The following RAB27B variants were observed in gnomAD, a reference collection of about 807,000 sequenced individuals.
RAB27B encodes the protein ras-related protein Rab-27B.
A neutral mutation model predicts 24.6 loss-of-function variants in RAB27B; 15 were observed. The observed-to-expected ratio is 0.61, with a 90% CI of 0.41 to 0.94. The LOEUF (loss-of-function observed/expected upper bound fraction) is 0.94, where lower values mean the gene tolerates loss of function less well. RAB27B is among the 40% of genes least tolerant of loss of function. The probability of loss-of-function intolerance (pLI) is 0.00; values close to 1 mark genes in which losing one functional copy is unlikely to be tolerated. For synonymous variants in RAB27B, 105 were observed against 92.5 expected (o/e 1.14, Z -0.78); for missense variants, 261 against 266.8 (o/e 0.98, Z 0.15).
At chr18:54,800,773 A>G (rs1909575654) in intron 2 of RAB27B, among the ~76,000 whole-genome samples, 1 of 151,964 alleles carries the variant, frequency 6.6e-6, no homozygotes, top group South Asian at 2.1e-4. Context: ...ACTTTTTTCC[A>G]TTGTAGTCAT....
intron 2 of RAB27B, among the ~76,000 whole-genome samples, chr18:54,773,288 C>G (rs1908611085): frequency 1.3e-5 from 2 of 152,208 alleles, no homozygotes; most frequent in African/African-American, 4.8e-5. Context: ...CAAAGATGCT[C>G]TTGATGTACC....
At chr18:54,879,257 C>A in intron 2 of RAB27B, 112 bp from the exon 3 acceptor site, 1 of 794,004 alleles carries the variant, frequency 1.3e-6, no homozygotes, top group Non-Finnish European at 2.2e-6. Context: ...TTATTCTGCA[C>A]TATGAACTTT....
intron 2 of RAB27B, among the ~76,000 whole-genome samples, chr18:54,733,597 A>G (rs1909792082): frequency 6.7e-6 from 1 of 148,706 alleles, no homozygotes; most frequent in Non-Finnish European, 1.5e-5. Context: ...CATTCCGTCC[A>G]CTAGATTTTT....
intron 1 of RAB27B, among the ~76,000 whole-genome samples, chr18:54,873,647 A>T (rs1912566141): frequency 6.6e-6 from 1 of 151,722 alleles, no homozygotes; most frequent in Non-Finnish European, 1.5e-5. Flanking sequence ...GGACTCAAAA[A>T]AATCACATAA....
intron 2 of RAB27B, among the ~76,000 whole-genome samples, chr18:54,733,650 GCCC>G (rs557873086): frequency 1.5e-4 from 14 of 92,242 alleles, no homozygotes; most frequent in African/African-American, 5.2e-4. Flanking sequence ...CTGTTCTAGA[GCCC>G]CCCCCCCCCA....
At position 54,894,816 on chromosome 18, in the gene RAB27B, G is replaced by A. The variant is rs1913505414; in HGVS notation, c.*5403G>A. On this transcript the variant is annotated 3_prime_UTR_variant, in exon 6 of 6. Transcript: ENST00000262094. ...AAAAACCACAGTTGTAATTTAAACT[G>A]CTTGATATAAAAAGAGGTATCATAG... The A allele has an allele frequency of 6.6e-6, 1 of 152,040 alleles. No individual in the cohort carries two copies. Among genetic ancestry groups the A allele is most frequent in the African/African-American group, 2.4e-5 (1 of 41,422 alleles). 9.4% of individuals were successfully genotyped at this position (152,040 alleles called of 1,614,324 possible). A position where few individuals can be genotyped will look rare whatever the true frequency, so the allele number is the denominator to read the frequency against.
intron 2 of RAB27B, among the ~76,000 whole-genome samples, chr18:54,806,552 C>G (rs1339751270): frequency 6.8e-6 from 1 of 146,368 alleles, no homozygotes; most frequent in Admixed American, 6.9e-5. Context: ...TATATATAAG[C>G]CACAATTATA....
Position 54,831,583 on chromosome 18 carries a change from A to G in RAB27B, c.-20+2883A>G, listed in dbSNP as rs1218699525. On this transcript the variant is annotated intron_variant, in intron 1 of 5. Coordinates refer to ENST00000262094, the MANE Select transcript of RAB27B (RefSeq NM_004163.4). ...TGGATAACAGATGTTAGTGAGATAT[A>G]CGAGGCCTCTGCTGTCATGGACATT... Among the ~76,000 whole-genome samples the G allele has an allele frequency of 3.9e-5, 6 of 152,236 alleles. 1 individual carries two copies. Among genetic ancestry groups the G allele is most frequent in the South Asian group, 2.1e-4 (1 of 4,836 alleles).
At chr18:54,756,466 T>C (rs896386682) in intron 2 of RAB27B, among the ~76,000 whole-genome samples, 6 of 152,190 alleles carry the variant, frequency 3.9e-5, no homozygotes, top group Non-Finnish European at 8.8e-5. Flanking sequence ...ATGTTTTTTT[T>C]CCTCCAGCCT....
chr18:54,775,832 C>T (rs1329882678), intron 2 of RAB27B, among the ~76,000 whole-genome samples: 1 of 152,198 alleles, frequency 6.6e-6, no homozygotes, highest in Non-Finnish European at 1.5e-5. Context: ...ACCGGTCACT[C>T]ATATCAGCTC....
At chr18:54,873,534 T>G (rs966097704) in intron 1 of RAB27B, among the ~76,000 whole-genome samples, 2 of 152,346 alleles carry the variant, frequency 1.3e-5, no homozygotes, top group South Asian at 2.1e-4. Flanking sequence ...CACATCATTT[T>G]TTTTAGCCCA....
At chr18:54,855,493 G>T (rs997354167) in intron 1 of RAB27B, among the ~76,000 whole-genome samples, 1 of 152,154 alleles carries the variant, frequency 6.6e-6, no homozygotes, top group African/African-American at 2.4e-5. Flanking sequence ...TAGCAGCCTT[G>T]GATACAAGAT....
chr18:54,779,403 A>G (rs912987578), intron 2 of RAB27B, among the ~76,000 whole-genome samples: 21 of 152,288 alleles, frequency 1.4e-4, no homozygotes, highest in African/African-American at 4.8e-4. Context: ...ATAGCAGAAC[A>G]CAATTTCTAT....
At chr18:54,866,139 A>T (rs1019532595) in intron 1 of RAB27B, among the ~76,000 whole-genome samples, 2 of 152,126 alleles carry the variant, frequency 1.3e-5, no homozygotes, top group Non-Finnish European at 2.9e-5. Context: ...GAGAGCCCCC[A>T]GCTAAATTAG....
intron 2 of RAB27B, among the ~76,000 whole-genome samples, chr18:54,783,769 C>T (rs902082755): frequency 6.6e-5 from 10 of 152,096 alleles, no homozygotes; most frequent in East Asian, 1.9e-4. Flanking sequence ...CTTCCCTCTC[C>T]GTGGAAACCA....
intron 2 of RAB27B, among the ~76,000 whole-genome samples, chr18:54,807,467 G>A (rs1909827213): frequency 6.6e-6 from 1 of 152,054 alleles, no homozygotes; most frequent in Admixed American, 6.6e-5. Flanking sequence ...AATCTCCTCG[G>A]GAACTTGGAG....
At chr18:54,858,735 G>T (rs1297859257) in intron 1 of RAB27B, among the ~76,000 whole-genome samples, 1 of 151,984 alleles carries the variant, frequency 6.6e-6, no homozygotes, top group Non-Finnish European at 1.5e-5. Flanking sequence ...TCCACTGCTT[G>T]CAGTTTAGGT....
Position 54,850,359 on chromosome 18 carries a change from T to TATATATATATATATACAC in RAB27B, c.-20+21660_-20+21661insTATATATATATATACACA, listed in dbSNP as rs1491518141. Among the ~76,000 whole-genome samples, 130 of 126,840 alleles carry TATATATATATATATACAC rather than the reference T, an allele frequency of 1.0e-3. 1 individual carries two copies. The highest frequency in any genetic ancestry group is 3.8e-3 in the African/African-American group (121 of 31,974). 83.2% of individuals were successfully genotyped at this position (126,840 alleles called of 152,430 possible). On this transcript the variant is annotated intron_variant, in intron 1 of 5. Transcript: ENST00000262094. The stretch of plus-strand genomic sequence containing the variant: ...ATATATATATATATATATATATATA[T>TATATATATATATATACAC]ACATACATACATATGTTTAGTTTTT...
chr18:54,888,316 A>G (rs1913229250), intron 5 of RAB27B, among the ~76,000 whole-genome samples, 198 bp downstream of exon 5: 1 of 152,224 alleles, frequency 6.6e-6, no homozygotes, highest in Non-Finnish European at 1.5e-5. Flanking sequence ...CTGTATACCT[A>G]TAATGTGCTA....
Sources: allele counts gnomAD v4.1 joint callset (sites outside exome capture counted in the v4.1 genomes callset), GRCh38; gene constraint gnomAD v4.1.1; transcripts MANE v1.5; gene names NCBI Gene and HGNC (gene_info 2026-07-23, HGNC 2026-07-21).